RCBTB1: variants seen among roughly 807,000 people sequenced by gnomAD.
RCBTB1 encodes RCC1 and BTB domain containing protein 1.
A neutral mutation model predicts 62.4 loss-of-function variants in RCBTB1; 46 were observed. The observed-to-expected ratio is 0.74, with a 90% confidence interval of 0.58 to 0.94. The LOEUF (loss-of-function observed/expected upper bound fraction) is 0.94. Ranked by LOEUF, RCBTB1 falls within the 40% of genes least tolerant of loss-of-function variation. The pLI is 0.00. For synonymous variants in RCBTB1, 222 were observed against 245.8 expected (o/e 0.90, Z 0.91); for missense variants, 565 against 654.9 (o/e 0.86, Z 1.50).
intron 12 of RCBTB1, among the ~76,000 whole-genome samples, chr13:49,537,181 A>G (rs930484610): frequency 6.6e-6 from 1 of 152,190 alleles, no homozygotes; most frequent in Non-Finnish European, 1.5e-5. Flanking sequence ...ATGACACAAG[A>G]TCACGAACCA....
intron 9 of RCBTB1, chr13:49,546,903 G>C (rs73190753): frequency 4.7e-4 from 456 of 979,304 alleles, no homozygotes; most frequent in Middle Eastern, 1.1e-3. Flanking sequence ...TGGGGTGTGG[G>C]GACCCCTGAT....
chr13:49,560,315 C>G (rs1207347283), intron 4 of RCBTB1, among the ~76,000 whole-genome samples: 6 of 152,026 alleles, frequency 3.9e-5, no homozygotes, highest in Non-Finnish European at 2.9e-5. Flanking sequence ...ATAGAAAGAT[C>G]AGTTTTGTGA....
chr13:49,558,243 A>T (rs907545544), intron 5 of RCBTB1, among the ~76,000 whole-genome samples: 3 of 152,128 alleles, frequency 2.0e-5, no homozygotes, highest in African/African-American at 7.2e-5. Flanking sequence ...GTGTGGGGGT[A>T]TACATGAGTG....
Position 49,551,824 on chromosome 13 carries a change from C to T in RCBTB1, c.711+354G>A, listed in dbSNP as rs1451177007. Among the ~76,000 whole-genome samples the T allele has an allele frequency of 5.4e-5, 8 of 148,646 alleles. No homozygotes were observed. In the Middle Eastern group the frequency reaches 0.01, roughly 195 times the overall value. On this transcript the variant is annotated intron_variant, in intron 7 of 12. Coordinates refer to ENST00000378302, the MANE Select transcript of RCBTB1 (RefSeq NM_018191.4). ...ATGAGGCAGGAGAATGGCGTGAACT[C>T]GGGAGGCGGAGCTTGCAGAGAGCTG...
intron 8 of RCBTB1, 52 bp downstream of exon 8, chr13:49,551,274 C>T: frequency 1.3e-6 from 2 of 1,598,924 alleles, no homozygotes; most frequent in Non-Finnish European, 1.7e-6. Flanking sequence ...CCACACACAG[C>T]CCCAAGGCCA....
chr13:49,555,297 T>C lies in RCBTB1; in HGVS notation c.603+218A>G, dbSNP rs142035882. 2.8e-3 allele frequency among the ~76,000 whole-genome samples: 423 copies of C among 152,320 alleles called. 1 individual carries two copies. The highest frequency in any genetic ancestry group is 9.8e-3 in the African/African-American group (408 of 41,572). On this transcript the variant is annotated intron_variant, in intron 6 of 12. Coordinates refer to ENST00000378302, the MANE Select transcript of RCBTB1 (RefSeq NM_018191.4). ...TCTTGCAAAAAATACAACTTAGACA[T>C]ATAGAATCTTTACTTTCAGGTAAAT...
intron 12 of RCBTB1, among the ~76,000 whole-genome samples, chr13:49,540,036 G>T (rs1316303836): frequency 1.3e-5 from 2 of 152,132 alleles, no homozygotes; most frequent in African/African-American, 4.8e-5. Flanking sequence ...CATTCTACAT[G>T]CACAACTTAG....
At chr13:49,580,742 A>G (rs1167948732) in intron 1 of RCBTB1, among the ~76,000 whole-genome samples, 158 bp from the exon 2 acceptor site, 1 of 152,258 alleles carries the variant, frequency 6.6e-6, no homozygotes, top group African/African-American at 2.4e-5. Context: ...ATTAGTCCCC[A>G]GTTGTATGAA....
At chr13:49,559,445 A>C (rs1224353892) in intron 5 of RCBTB1, among the ~76,000 whole-genome samples, 1 of 152,174 alleles carries the variant, frequency 6.6e-6, no homozygotes, top group African/African-American at 2.4e-5. Flanking sequence ...TCACGAGGTC[A>C]GGAGATCGAG....
intron 12 of RCBTB1, among the ~76,000 whole-genome samples, chr13:49,536,985 C>T (rs964146734): frequency 2.6e-5 from 4 of 152,026 alleles, no homozygotes; most frequent in African/African-American, 9.7e-5. Flanking sequence ...AGTAACAAAA[C>T]AAAACACAGA....
chr13:49,539,871 G>A (rs905421733), intron 12 of RCBTB1, among the ~76,000 whole-genome samples: 9 of 152,026 alleles, frequency 5.9e-5, no homozygotes, highest in East Asian at 1.9e-4. Context: ...TGAAAACATC[G>A]TGGTCAACTT....
chr13:49,552,255 G>A lies in RCBTB1; in HGVS notation c.634C>T (p.Gln212Ter), dbSNP rs749704655. 7.5e-6 allele frequency: 12 copies of A among 1,602,456 alleles called. No homozygotes were observed. The highest frequency in any genetic ancestry group is 9.4e-6 in the Non-Finnish European group (11 of 1,174,134). ...VYGWGYNGNG[Q>*]LGLGNNGNQL... Reference sequence around the variant, plus strand: ...TTGCCATTGTTTCCCAGGCCCAGCTGACCGTTGCCATTGTAACCCCAGCCA... The same window carrying A: ...TTGCCATTGTTTCCCAGGCCCAGCTAACCGTTGCCATTGTAACCCCAGCCA... Residue 212 changes from glutamine (Q) to a stop codon, truncating the protein, a stop_gained, in exon 7 of 13, where the codon CAG becomes TAG. Coordinates refer to ENST00000378302, the MANE Select transcript of RCBTB1 (RefSeq NM_018191.4). LOFTEE classifies it high-confidence loss of function.
chr13:49,575,224 G>C (rs991149840), intron 2 of RCBTB1, among the ~76,000 whole-genome samples: 18 of 152,130 alleles, frequency 1.2e-4, no homozygotes, highest in Admixed American at 6.5e-4. Context: ...ACACCAGTCA[G>C]AATGGCCATT....
chr13:49,549,396 G>C, intron 9 of RCBTB1, 62 bp downstream of exon 9: 1 of 1,493,738 alleles, frequency 6.7e-7, no homozygotes, highest in Admixed American at 2.1e-5. Context: ...CAAAGACACA[G>C]GAAAACTGGT....
chr13:49,552,288 T>G lies in RCBTB1; in HGVS notation c.604-3A>C. 1 of 1,579,190 alleles carries G rather than the reference T, an allele frequency of 6.3e-7. No homozygotes were observed. Reference sequence around the variant, plus strand: ...CCATTGTAACCCCAGCCATATACCTTAGAGAGGACAGAAGGGAGAGAGTGA... The same window carrying G: ...CCATTGTAACCCCAGCCATATACCTGAGAGAGGACAGAAGGGAGAGAGTGA... On this transcript the variant is annotated splice_polypyrimidine_tract_variant and splice_region_variant and intron_variant, in intron 6 of 12. Transcript: ENST00000378302.
chr13:49,536,756 A>G (rs1959973104), intron 12 of RCBTB1, among the ~76,000 whole-genome samples: 1 of 152,186 alleles, frequency 6.6e-6, no homozygotes, highest in Non-Finnish European at 1.5e-5. Flanking sequence ...TAGAAACTAA[A>G]CTCTGTTTAT....
In RCBTB1 at chr13:49,534,270, C is replaced by A. The variant is rs1297818774; in HGVS notation, c.1456-8G>T. On this transcript the variant is annotated splice_polypyrimidine_tract_variant and splice_region_variant and intron_variant, in intron 12 of 12. Coordinates refer to ENST00000378302, the MANE Select transcript of RCBTB1 (RefSeq NM_018191.4). ...GCAGAATTCTTCTAAATCCTGGACA[C>A]ACAACAAAAATAAAAACAAAAATGG... 6.2e-7 allele frequency: 1 copy of A among 1,604,198 alleles called. No individual in the cohort carries two copies. Among genetic ancestry groups the A allele is most frequent in the South Asian group, 1.1e-5 (1 of 89,858 alleles).
chr13:49,584,053 C>G (rs1295729624), intron 1 of RCBTB1, among the ~76,000 whole-genome samples: 1 of 152,140 alleles, frequency 6.6e-6, no homozygotes, highest in Non-Finnish European at 1.5e-5. Context: ...CACAATGACT[C>G]CCAGGAAAAG....
intron 9 of RCBTB1, chr13:49,547,175 C>CAAAAAAAAAAAA (rs3039280): frequency 1.1e-6 from 1 of 926,334 alleles, no homozygotes. Flanking sequence ...ATACTCACTG[C>CAAAAAAAAAAAA]AAAAAAAAAA....
Sources: gnomAD v4.1 joint callset for allele counts (sites outside exome capture counted in the v4.1 genomes callset) on GRCh38, gnomAD v4.1.1 for gene constraint, MANE v1.5 for transcripts, NCBI Gene and HGNC (gene_info 2026-07-23, HGNC 2026-07-21) for gene names.